TENM3: variants seen among roughly 807,000 people sequenced by gnomAD.
TENM3 encodes teneurin-3.
In TENM3, 63 loss-of-function variants were observed where a neutral mutation model predicts 255.1. That is an observed-to-expected ratio of 0.25 (90% CI 0.20 to 0.30). The LOEUF (loss-of-function observed/expected upper bound fraction) is 0.30. TENM3 is among the 10% of genes least tolerant of loss of function. The probability of loss-of-function intolerance (pLI) is 1.00; values close to 1 mark genes in which losing one functional copy is unlikely to be tolerated. For missense variants in TENM3, 2,929 were observed against 3,461.1 expected (o/e 0.85, Z 3.86); for synonymous variants, 1,306 against 1,322.3 (o/e 0.99, Z 0.27).
chr4:182,173,987 G>C lies in TENM3; in HGVS notation c.-76+29233G>C, dbSNP rs566759444. Among the ~76,000 whole-genome samples the C allele has an allele frequency of 1.9e-4, 29 of 152,202 alleles. No individual in the cohort carries two copies. In the East Asian group the frequency reaches 5.2e-3, roughly 27 times the overall value. On this transcript the variant is annotated intron_variant, in intron 1 of 2. Transcript: ENST00000512480. ...ACAAAATAGAAAAAAATGCTATTTT[G>C]TATTAATATGCTTTAGTCACTTTCT...
At chr4:182,535,900 A>G (rs975189314) in intron 3 of TENM3, among the ~76,000 whole-genome samples, 1 of 152,150 alleles carries the variant, frequency 6.6e-6, no homozygotes, top group Non-Finnish European at 1.5e-5. Context: ...AATGTTTAGA[A>G]CAGTTACTGG....
chr4:181,847,504 C>T, the TENM3 span, among the ~76,000 whole-genome samples: 26 of 152,052 alleles, frequency 1.7e-4, no homozygotes, highest in South Asian at 4.2e-4. Context: ...CCCTTAACAA[C>T]GAAAATTGTT....
intron 3 of TENM3, among the ~76,000 whole-genome samples, chr4:182,591,851 G>A (rs1746682362): frequency 2.0e-5 from 3 of 152,202 alleles, no homozygotes; most frequent in Admixed American, 1.3e-4. Flanking sequence ...ATTGGAAAAC[G>A]AAAGGAAAAG....
At chr4:182,517,743 G>C (rs1452761311) in intron 3 of TENM3, among the ~76,000 whole-genome samples, 1 of 152,184 alleles carries the variant, frequency 6.6e-6, no homozygotes, top group Non-Finnish European at 1.5e-5. Flanking sequence ...TAGGAGAAGA[G>C]ATTGAAGTTT....
chr4:182,139,143 G>A (rs919806151), upstream of TENM3, among the ~76,000 whole-genome samples: 26 of 152,310 alleles, frequency 1.7e-4, no homozygotes, highest in African/African-American at 6.0e-4. Flanking sequence ...CACTCCAAGA[G>A]TGCTCAGCTA....
the TENM3 span, among the ~76,000 whole-genome samples, chr4:181,657,569 G>GA: frequency 6.6e-6 from 1 of 152,208 alleles, no homozygotes; most frequent in Non-Finnish European, 1.5e-5. Flanking sequence ...GGCCACTGCA[G>GA]AAAGCACTTT....
the TENM3 span, among the ~76,000 whole-genome samples, chr4:182,136,702 CA>C: frequency 6.6e-6 from 1 of 152,036 alleles, no homozygotes; most frequent in Non-Finnish European, 1.5e-5. Flanking sequence ...TGATGTCATT[CA>C]ATAAGGAGTT....
chr4:181,793,888 T>C, the TENM3 span, among the ~76,000 whole-genome samples: 1 of 152,228 alleles, frequency 6.6e-6, no homozygotes, highest in Non-Finnish European at 1.5e-5. Flanking sequence ...ATTTGTTTTA[T>C]TGTATTTCCC....
intron 1 of TENM3, among the ~76,000 whole-genome samples, chr4:182,164,419 A>G (rs1036357023): frequency 5.3e-5 from 8 of 152,034 alleles, no homozygotes; most frequent in African/African-American, 1.4e-4. Flanking sequence ...TCATGCTTCC[A>G]TTTGTCTTCC....
At chr4:182,059,730 G>A in the TENM3 span, among the ~76,000 whole-genome samples, 7 of 119,186 alleles carry the variant, frequency 5.9e-5, no homozygotes, top group Non-Finnish European at 1.1e-4. Context: ...GCAACATAGT[G>A]AGACTCTGTC....
the TENM3 span, among the ~76,000 whole-genome samples, chr4:181,990,028 C>T: frequency 1.3e-5 from 2 of 152,092 alleles, no homozygotes; most frequent in Non-Finnish European, 2.9e-5. Flanking sequence ...TTTTCAGAGT[C>T]TAATCAGGGC....
chr4:181,489,372 A>G, the TENM3 span, among the ~76,000 whole-genome samples: 1 of 152,126 alleles, frequency 6.6e-6, no homozygotes, highest in East Asian at 1.9e-4. Flanking sequence ...GTACGATTGT[A>G]TGTGCACATA....
chr4:181,709,740 T>G, the TENM3 span, among the ~76,000 whole-genome samples: 68,679 of 152,086 alleles, frequency 0.45, 16,347 homozygotes, highest in East Asian at 0.62. Flanking sequence ...ACTGGGAGAC[T>G]AGTTGGGAGT....
intron 3 of TENM3, among the ~76,000 whole-genome samples, chr4:182,374,175 A>G (rs1767026837): frequency 6.6e-6 from 1 of 152,156 alleles, no homozygotes; most frequent in African/African-American, 2.4e-5. Context: ...TCCATCATTC[A>G]GATATCCCTT....
the TENM3 span, among the ~76,000 whole-genome samples, chr4:181,622,081 G>T: frequency 7.2e-5 from 11 of 152,194 alleles, no homozygotes; most frequent in African/African-American, 2.4e-4. Context: ...TTTGGGCAAT[G>T]TTAGACACAG....
intron 3 of TENM3, among the ~76,000 whole-genome samples, chr4:182,483,684 G>T (rs930087051): frequency 2.6e-5 from 4 of 152,076 alleles, no homozygotes; most frequent in African/African-American, 9.7e-5. Context: ...AAAACTACCT[G>T]ATACTGGTAG....
At chr4:182,760,277 A>G (rs1287091215) in intron 22 of TENM3, among the ~76,000 whole-genome samples, 2 of 152,210 alleles carry the variant, frequency 1.3e-5, no homozygotes, top group Non-Finnish European at 1.5e-5. Context: ...CTCACCTGCT[A>G]AATATTTATT....
intron 3 of TENM3, among the ~76,000 whole-genome samples, chr4:182,426,007 C>CAAAAAA (rs55836889): frequency 7.7e-5 from 7 of 90,746 alleles, no homozygotes; most frequent in South Asian, 3.7e-4. Context: ...GAGTCCATGT[C>CAAAAAA]AAAAAAAAAA....
At chr4:181,541,131 T>C in the TENM3 span, among the ~76,000 whole-genome samples, 4 of 152,138 alleles carry the variant, frequency 2.6e-5, no homozygotes, top group Non-Finnish European at 5.9e-5. Context: ...CCCAACATTT[T>C]GGGAGGCTGA....
Sources: allele counts gnomAD v4.1 joint callset (sites outside exome capture counted in the v4.1 genomes callset), GRCh38; gene constraint gnomAD v4.1.1; transcripts MANE v1.5; gene names NCBI Gene and HGNC (gene_info 2026-07-23, HGNC 2026-07-21).